The following MAP2K3 variants were observed in gnomAD, a reference collection of about 807,000 sequenced individuals.
The protein encoded by MAP2K3 is mitogen-activated protein kinase kinase 3.
A neutral mutation model predicts 46.4 loss-of-function variants in MAP2K3; 30 were observed. That is an observed-to-expected ratio of 0.65 (90% CI 0.48 to 0.88). The LOEUF is 0.88. Among genes scored for constraint, MAP2K3 ranks in the 40% least tolerant of loss-of-function variants. The probability of loss-of-function intolerance (pLI) is 0.00; values close to 1 mark genes in which losing one functional copy is unlikely to be tolerated. For missense variants in MAP2K3, 380 were observed against 464.5 expected (o/e 0.82, Z 1.67); for synonymous variants, 189 against 176.3 (o/e 1.07, Z -0.57).
chr17:21,303,167 C>T lies in MAP2K3; in HGVS notation c.517-16C>T, dbSNP rs1293216853. On this transcript the variant is annotated splice_polypyrimidine_tract_variant and intron_variant, in intron 6 of 11. Coordinates refer to ENST00000342679, the MANE Select transcript of MAP2K3 (RefSeq NM_145109.3). ...ACAGAGTCCTGTCTCTTCCCTCCTC[C>T]CCACCCCACCGCCAGATCGTGCGGG... 2 of 1,614,090 alleles carry T rather than the reference C, an allele frequency of 1.2e-6. No homozygotes were observed. The highest frequency in any genetic ancestry group is 2.2e-5 in the South Asian group (2 of 91,084).
intron 1 of MAP2K3, among the ~76,000 whole-genome samples, chr17:21,292,956 A>G (rs1464186913): frequency 1.3e-5 from 2 of 152,422 alleles, no homozygotes; most frequent in East Asian, 3.9e-4. Flanking sequence ...CATCTGCAGC[A>G]TGGAGATCAC....
rs1160811817 is a variant in MAP2K3, at chr17:21,315,046, G to C, written c.*816G>C. 1 of 152,582 alleles carries C rather than the reference G, an allele frequency of 6.6e-6. No individual in the cohort carries two copies. Among genetic ancestry groups the C allele is most frequent in the African/African-American group, 2.4e-5 (1 of 41,442 alleles). The allele number at this position is 152,582 out of a possible 1,614,324, so 9.5% of individuals were successfully genotyped here. A position where few individuals can be genotyped will look rare whatever the true frequency, so the allele number is the denominator to read the frequency against. On this transcript the variant is annotated 3_prime_UTR_variant, in exon 12 of 12. Coordinates refer to ENST00000342679, the MANE Select transcript of MAP2K3 (RefSeq NM_145109.3). ...CAAGATCTCTGCTCAGAGAAGTGCA[G>C]GGGGAGCCTTCCAGCTCACTCTCCC...
Position 21,298,411 on chromosome 17 carries a change from A to G in MAP2K3, c.50-2A>G, listed in dbSNP as rs766682384. 19 of 1,614,186 alleles carry G rather than the reference A, an allele frequency of 1.2e-5. No homozygotes were observed. The highest frequency in any genetic ancestry group is 2.5e-6 in the Non-Finnish European group (3 of 1,180,068). On this transcript the variant is annotated splice_acceptor_variant, in intron 1 of 11. Coordinates refer to ENST00000342679, the MANE Select transcript of MAP2K3 (RefSeq NM_145109.3). LOFTEE classifies it high-confidence loss of function. ...AGACGCCTCACCTTCTCTCCATTCT[A>G]GGAAAATCCAAGAGGAAGAAGGATC...
intron 1 of MAP2K3, 69 bp from the exon 2 acceptor site, chr17:21,298,344 G>T (rs1314417165): frequency 6.2e-7 from 1 of 1,604,784 alleles, no homozygotes; most frequent in Non-Finnish European, 8.5e-7. Context: ...GGGCCTGATG[G>T]CTCATGGGAG....
At position 21,298,253 on chromosome 17, in the gene MAP2K3, C is replaced by G. The variant is rs907181626; in HGVS notation, c.50-160C>G. 2.8e-6 allele frequency: 3 copies of G among 1,063,356 alleles called. No homozygotes were observed. The Admixed American group carries it at 5.1e-5, about 18-fold the overall frequency. 65.9% of individuals were successfully genotyped at this position (1,063,356 alleles called of 1,614,324 possible). A position where few individuals can be genotyped will look rare whatever the true frequency, so the allele number is the denominator to read the frequency against. On this transcript the variant is annotated intron_variant, in intron 1 of 11. Coordinates refer to ENST00000342679, the MANE Select transcript of MAP2K3 (RefSeq NM_145109.3). ...GCAGGGCTGGTGGGCCTCCTTCCCC[C>G]TTTGAAGGCCTAACGGCCTGGCTTG...
rs1169294222 is a variant in MAP2K3 at position 21,313,698 on chromosome 17, C to G, written c.960+161C>G. On this transcript the variant is annotated intron_variant, in intron 11 of 11. Coordinates refer to ENST00000342679, the MANE Select transcript of MAP2K3 (RefSeq NM_145109.3). ...TCGGTCATTTGTTTGCTCCTGCATA[C>G]CTGGCTCCCTCCTCCCTCCTTCCTG... 6.1e-6 allele frequency: 4 copies of G among 657,848 alleles called. No individual in the cohort carries two copies. The East Asian group carries it at 1.1e-4, about 18-fold the overall frequency. The allele number at this position is 657,848 out of a possible 1,614,324, so 40.8% of individuals were successfully genotyped here.
chr17:21,298,302 G>T, intron 1 of MAP2K3, 111 bp from the exon 2 acceptor site: 3 of 1,487,468 alleles, frequency 2.0e-6, no homozygotes, highest in Non-Finnish European at 2.8e-6. Context: ...CCCGGCATGG[G>T]TGATGGCAGA....
At chr17:21,291,318 G>GTAC (rs1567658274) in intron 1 of MAP2K3, 145 of 56,394 alleles carry the variant, frequency 2.6e-3, no homozygotes, top group African/African-American at 4.6e-3. Flanking sequence ...CAATACAATA[G>GTAC]AATACAATAG....
chr17:21,299,061 C>T (rs1976439865), intron 3 of MAP2K3, 135 bp downstream of exon 3: 2 of 1,285,920 alleles, frequency 1.6e-6, no homozygotes, highest in Non-Finnish European at 2.2e-6. Flanking sequence ...GAGCCTCGTC[C>T]TGCGCTGCTG....
chr17:21,308,291 G>A (rs1274595334), intron 9 of MAP2K3, among the ~76,000 whole-genome samples: 21 of 152,226 alleles, frequency 1.4e-4, no homozygotes, highest in Non-Finnish European at 2.4e-4. Context: ...AGGATTACAG[G>A]CATTTGCCAC....
At chr17:21,304,296 G>T in intron 7 of MAP2K3, 130 bp from the exon 8 acceptor site, 2 of 1,533,416 alleles carry the variant, frequency 1.3e-6, no homozygotes, top group Non-Finnish European at 1.8e-6. Context: ...GGTGCAACCT[G>T]CCCACTGGGG....
intron 9 of MAP2K3, among the ~76,000 whole-genome samples, chr17:21,310,113 C>G (rs1236249275): frequency 6.6e-6 from 1 of 151,662 alleles, no homozygotes; most frequent in South Asian, 2.1e-4. Flanking sequence ...TCAAGTGATT[C>G]TCCTGCCTCA....
rs192131275 is a variant in MAP2K3, at chr17:21,289,863, A to G, written c.49+4894A>G. 4.0e-5 allele frequency among the ~76,000 whole-genome samples: 6 copies of G among 151,862 alleles called. No homozygotes were observed. In the East Asian group the frequency reaches 9.7e-4, roughly 25 times the overall value. ...TGTCCTTGTCACCTCCCTGCCCTGC[A>G]CTCCAGGGCCACCTTCCCTGGTTTC... is the stretch of plus-strand genomic sequence containing the variant. On this transcript the variant is annotated intron_variant, in intron 1 of 11. Coordinates refer to ENST00000342679, the MANE Select transcript of MAP2K3 (RefSeq NM_145109.3).
Position 21,314,234 on chromosome 17 carries a change from C to T in MAP2K3, c.*4C>T, listed in dbSNP as rs1187194372. 10 of 1,613,320 alleles carry T rather than the reference C, an allele frequency of 6.2e-6. No individual in the cohort carries two copies. The East Asian group carries it at 2.2e-4, about 36-fold the overall frequency. ...GATCCTGGGAGAAGACTCATAGGGG[C>T]TGGGCCTCGGACCCCACTCCGGCCC... On this transcript the variant is annotated 3_prime_UTR_variant, in exon 12 of 12. Coordinates refer to ENST00000342679, the MANE Select transcript of MAP2K3 (RefSeq NM_145109.3).
At chr17:21,285,983 C>A (rs977719527) in intron 1 of MAP2K3, among the ~76,000 whole-genome samples, 8 of 152,084 alleles carry the variant, frequency 5.3e-5, no homozygotes, top group African/African-American at 1.9e-4. Flanking sequence ...ATTTCCAAAC[C>A]GGACATAGCC....
At chr17:21,305,757 T>C (rs1217096488) in intron 9 of MAP2K3, among the ~76,000 whole-genome samples, 3 of 152,308 alleles carry the variant, frequency 2.0e-5, no homozygotes, top group Non-Finnish European at 4.4e-5. Context: ...GGACAGTGGA[T>C]TGGAGGGATG....
intron 1 of MAP2K3, among the ~76,000 whole-genome samples, chr17:21,296,641 C>T (rs944112595): frequency 3.9e-5 from 6 of 152,308 alleles, no homozygotes; most frequent in African/African-American, 1.2e-4. Context: ...CTCTCTGAGC[C>T]TGTTCCCCAA....
chr17:21,304,326 G>A, intron 7 of MAP2K3, 100 bp from the exon 8 acceptor site: 2 of 1,589,620 alleles, frequency 1.3e-6, no homozygotes, highest in Non-Finnish European at 1.7e-6. Context: ...GGGCACAGGA[G>A]GGGTCTTGGG....
At chr17:21,301,187 G>T (rs1976579745) in intron 5 of MAP2K3, among the ~76,000 whole-genome samples, 194 bp downstream of exon 5, 1 of 152,310 alleles carries the variant, frequency 6.6e-6, no homozygotes, top group African/African-American at 2.4e-5. Context: ...TGAGGCCGGT[G>T]GTTGTGGGTG....
Sources: gnomAD v4.1 joint callset for allele counts (sites outside exome capture counted in the v4.1 genomes callset) on GRCh38, gnomAD v4.1.1 for gene constraint, MANE v1.5 for transcripts, NCBI Gene and HGNC (gene_info 2026-07-23, HGNC 2026-07-21) for gene names.